SDK1: variants seen among roughly 807,000 people sequenced by gnomAD.
SDK1 encodes sidekick cell adhesion molecule 1.
In SDK1, 157 loss-of-function variants were observed where a neutral mutation model predicts 245.5. The ratio of observed to expected loss-of-function variants is 0.64; its 90% confidence interval spans 0.56 to 0.73. The LOEUF is 0.73. Among genes scored for constraint, SDK1 ranks in the 30% least tolerant of loss-of-function variants. SDK1 has a pLI of 0.00. For synonymous variants in SDK1, 1,647 were observed against 1,278.5 expected (o/e 1.29, Z -6.15); for missense variants, 3,583 against 3,002.3 (o/e 1.19, Z -4.52).
intron 4 of SDK1, among the ~76,000 whole-genome samples, chr7:3,763,829 A>T (rs1029645863): frequency 1.3e-5 from 2 of 152,192 alleles, no homozygotes; most frequent in African/African-American, 4.8e-5. Context: ...GTATTTACTG[A>T]TAATAAGCAA....
At chr7:3,561,074 C>G (rs1251556352) in intron 1 of SDK1, among the ~76,000 whole-genome samples, 3 of 152,142 alleles carry the variant, frequency 2.0e-5, no homozygotes, top group Non-Finnish European at 4.4e-5. Context: ...CTTTCCTTCC[C>G]TTCCCCCTTC....
At chr7:3,992,920 T>C (rs1429057143) in intron 14 of SDK1, among the ~76,000 whole-genome samples, 1 of 152,244 alleles carries the variant, frequency 6.6e-6, no homozygotes, top group Admixed American at 6.5e-5. Context: ...ATATGGCTAT[T>C]GCTCTGCAGA....
In SDK1 at chr7:4,149,482, C is replaced by T. The variant is rs1487581362; in HGVS notation, c.4625+19C>T. On this transcript the variant is annotated intron_variant, in intron 30 of 44. Transcript: ENST00000404826. ...TTGACAGGTACTGAGAGAGCAGGAGCACCTCCCCGGGGAACGGGGCCCTGG... is the reference window on the plus strand; with the variant it reads ...TTGACAGGTACTGAGAGAGCAGGAGTACCTCCCCGGGGAACGGGGCCCTGG... The T allele has an allele frequency of 2.8e-6, 4 of 1,434,034 alleles. No individual in the cohort carries two copies. The highest frequency in any genetic ancestry group is 1.5e-5 in the South Asian group (1 of 64,698). 88.8% of individuals were successfully genotyped at this position (1,434,034 alleles called of 1,614,324 possible). A position where few individuals can be genotyped will look rare whatever the true frequency, so the allele number is the denominator to read the frequency against.
chr7:3,871,909 T>C (rs1780965525), intron 5 of SDK1, among the ~76,000 whole-genome samples: 1 of 152,220 alleles, frequency 6.6e-6, no homozygotes, highest in African/African-American at 2.4e-5. Context: ...GCCATTATCT[T>C]TTACCATTAA....
chr7:3,955,029 G>A (rs1473326386), intron 7 of SDK1, among the ~76,000 whole-genome samples: 1 of 152,032 alleles, frequency 6.6e-6, no homozygotes, highest in African/African-American at 2.4e-5. Context: ...GTGCCTGTGA[G>A]ATGCATCTTC....
chr7:3,698,667 GC>G (rs1250588460), intron 4 of SDK1, among the ~76,000 whole-genome samples: 1 of 152,158 alleles, frequency 6.6e-6, no homozygotes, highest in Non-Finnish European at 1.5e-5. Context: ...AGGTCAAGGT[GC>G]TGGCCAGCTC....
At chr7:3,438,695 G>T (rs889975419) in intron 1 of SDK1, among the ~76,000 whole-genome samples, 2 of 152,218 alleles carry the variant, frequency 1.3e-5, no homozygotes, top group Non-Finnish European at 2.9e-5. Context: ...CCAAGTTTTT[G>T]ATTCTTTCTT....
At chr7:4,107,486 TC>T (rs1783014579) in intron 22 of SDK1, among the ~76,000 whole-genome samples, 1 of 107,844 alleles carries the variant, frequency 9.3e-6, no homozygotes, top group African/African-American at 4.8e-5. Context: ...CTTCCTTTCT[TC>T]TTCTTTTTTT....
chr7:3,347,703 G>C (rs1235308217), intron 1 of SDK1, among the ~76,000 whole-genome samples: 3 of 152,132 alleles, frequency 2.0e-5, no homozygotes, highest in Non-Finnish European at 2.9e-5. Flanking sequence ...CATGCCCTCA[G>C]AGGAAGTTAT....
intron 20 of SDK1, 77 bp from the exon 21 acceptor site, chr7:4,076,921 A>C (rs1036822076): frequency 1.5e-6 from 2 of 1,297,756 alleles, no homozygotes; most frequent in African/African-American, 1.5e-5. Context: ...CCAAGCCTGC[A>C]ACGATGGTGC....
At chr7:3,925,788 C>T (rs1284173585) in intron 5 of SDK1, among the ~76,000 whole-genome samples, 2 of 152,210 alleles carry the variant, frequency 1.3e-5, no homozygotes, top group Non-Finnish European at 2.9e-5. Flanking sequence ...CTCCAGCCGG[C>T]TGAGAAGACA....
intron 4 of SDK1, among the ~76,000 whole-genome samples, chr7:3,802,012 C>G (rs1056167342): frequency 1.3e-5 from 2 of 152,166 alleles, no homozygotes; most frequent in South Asian, 2.1e-4. Flanking sequence ...GAGCTGTTCT[C>G]TTTTACTTTT....
intron 4 of SDK1, among the ~76,000 whole-genome samples, chr7:3,800,902 C>G: frequency 1.3e-5 from 2 of 152,296 alleles, no homozygotes; most frequent in South Asian, 4.1e-4. Context: ...GCCTAGTGGA[C>G]TTGTCCTTGT....
chr7:3,864,941 G>A (rs888231584), intron 5 of SDK1, among the ~76,000 whole-genome samples: 20 of 152,306 alleles, frequency 1.3e-4, no homozygotes, highest in South Asian at 2.1e-4. Flanking sequence ...AATCCTCCAT[G>A]TTTAACAGAC....
intron 5 of SDK1, among the ~76,000 whole-genome samples, chr7:3,844,115 T>A (rs1280901335): frequency 1.3e-5 from 2 of 152,030 alleles, no homozygotes; most frequent in Non-Finnish European, 2.9e-5. Flanking sequence ...GGATTACAGG[T>A]GCTCACCACC....
rs1347872655 is a variant in SDK1 at position 3,620,271 on chromosome 7, A to AT, written c.458+1034dup. Among the ~76,000 whole-genome samples, 21 of 151,076 alleles carry AT rather than the reference A, an allele frequency of 1.4e-4. No individual in the cohort carries two copies. The Admixed American group carries it at 1.4e-3, about 10-fold the overall frequency. ...CTGTGTGTTTGTATTTTAAAAATCA[A>AT]TTAAAAAAAATATGAGAATGCTTAC... is the stretch of plus-strand genomic sequence containing the variant. On this transcript the variant is annotated intron_variant, in intron 2 of 44. Transcript: ENST00000404826.
At chr7:3,676,165 C>G (rs1039245226) in intron 4 of SDK1, among the ~76,000 whole-genome samples, 1 of 151,566 alleles carries the variant, frequency 6.6e-6, no homozygotes, top group Non-Finnish European at 1.5e-5. Context: ...CGGGGTCTCA[C>G]TATGTTGCCA....
At chr7:3,652,911 A>G (rs114130941) in intron 4 of SDK1, among the ~76,000 whole-genome samples, 1 of 152,302 alleles carries the variant, frequency 6.6e-6, no homozygotes, top group African/African-American at 2.4e-5. Context: ...AGGATGTTCC[A>G]GTAGGATAGA....
intron 2 of SDK1, among the ~76,000 whole-genome samples, chr7:3,621,974 G>T (rs932016370): frequency 3.3e-5 from 5 of 152,176 alleles, no homozygotes; most frequent in Non-Finnish European, 7.4e-5. Context: ...ATATTCAACA[G>T]TTTATTATAA....
Sources: allele counts gnomAD v4.1 joint callset (sites outside exome capture counted in the v4.1 genomes callset), GRCh38; gene constraint gnomAD v4.1.1; transcripts MANE v1.5; gene names NCBI Gene and HGNC (gene_info 2026-07-23, HGNC 2026-07-21).